The following LRRC4C variants were observed in gnomAD, a reference collection of about 807,000 sequenced individuals.
The protein encoded by LRRC4C is leucine-rich repeat-containing protein 4C.
A neutral mutation model predicts 33.6 loss-of-function variants in LRRC4C; 5 were observed. The observed-to-expected ratio is 0.15, with a 90% confidence interval of 0.08 to 0.31. The LOEUF (loss-of-function observed/expected upper bound fraction) is 0.31. LRRC4C is among the 10% of genes least tolerant of loss of function. LRRC4C has a pLI of 1.00. For missense variants in LRRC4C, 560 were observed against 796.7 expected (o/e 0.70, Z 3.58); for synonymous variants, 329 against 302.0 (o/e 1.09, Z -0.93).
At chr11:40,430,741 TACGTCA>T (rs1950889444) in intron 3 of LRRC4C, among the ~76,000 whole-genome samples, 1 of 152,098 alleles carries the variant, frequency 6.6e-6, no homozygotes, top group Non-Finnish European at 1.5e-5. Context: ...TATGTGATGT[TACGTCA>T]AATAAAGAGC....
At chr11:40,916,295 C>G (rs1033076950) in intron 2 of LRRC4C, among the ~76,000 whole-genome samples, 2 of 152,136 alleles carry the variant, frequency 1.3e-5, no homozygotes, top group African/African-American at 2.4e-5. Context: ...TTGGAACCAA[C>G]CCAAATATCC....
intron 3 of LRRC4C, among the ~76,000 whole-genome samples, chr11:40,530,322 A>G (rs1389383290): frequency 1.3e-5 from 2 of 152,134 alleles, no homozygotes; most frequent in Non-Finnish European, 2.9e-5. Context: ...TTATAATGTG[A>G]AAAAGTAAAC....
At chr11:40,439,241 A>G (rs1055523552) in intron 3 of LRRC4C, among the ~76,000 whole-genome samples, 1 of 149,498 alleles carries the variant, frequency 6.7e-6, no homozygotes, top group Non-Finnish European at 1.5e-5. Context: ...GGCCTGGCCT[A>G]TAAGTTGCTA....
intron 1 of LRRC4C, among the ~76,000 whole-genome samples, chr11:41,126,350 A>C (rs1003201389): frequency 1.3e-5 from 2 of 152,012 alleles, no homozygotes; most frequent in Non-Finnish European, 2.9e-5. Context: ...GTACCTAGTA[A>C]AACCTTTTTG....
intron 1 of LRRC4C, among the ~76,000 whole-genome samples, chr11:40,983,109 G>C (rs1234667027): frequency 6.6e-6 from 1 of 152,090 alleles, no homozygotes; most frequent in Non-Finnish European, 1.5e-5. Context: ...TGTCTTTGCT[G>C]TTGTGAATAG....
chr11:40,969,367 A>C (rs930414596), intron 1 of LRRC4C, among the ~76,000 whole-genome samples: 5 of 151,768 alleles, frequency 3.3e-5, no homozygotes, highest in African/African-American at 1.2e-4. Context: ...ATAACAAATA[A>C]TTTATAATAT....
At chr11:41,433,557 G>C (rs939499585) in intron 1 of LRRC4C, among the ~76,000 whole-genome samples, 2 of 152,086 alleles carry the variant, frequency 1.3e-5, no homozygotes, top group African/African-American at 2.4e-5. Flanking sequence ...CTGAATCTGG[G>C]TGGGCACCAT....
intron 1 of LRRC4C, among the ~76,000 whole-genome samples, chr11:41,193,586 G>A (rs2136223282): frequency 6.6e-6 from 1 of 152,160 alleles, no homozygotes; most frequent in African/African-American, 2.4e-5. Context: ...ATCCAATCAA[G>A]ACAATCATGA....
chr11:41,214,575 CAAAAAA>C (rs547167050), intron 1 of LRRC4C, among the ~76,000 whole-genome samples: 5 of 34,758 alleles, frequency 1.4e-4, no homozygotes, highest in African/African-American at 5.9e-4. Context: ...ACTAAAAATA[CAAAAAA>C]AAAAAAAAAA....
chr11:40,327,142 A>G (rs1470301943), intron 3 of LRRC4C, among the ~76,000 whole-genome samples: 1 of 152,184 alleles, frequency 6.6e-6, no homozygotes. Context: ...GTGCATTCTT[A>G]TCGCTAACTG....
intron 1 of LRRC4C, among the ~76,000 whole-genome samples, chr11:41,259,176 C>T (rs1156615510): frequency 6.6e-6 from 1 of 151,948 alleles, no homozygotes; most frequent in Admixed American, 6.6e-5. Flanking sequence ...TGAGTTCGAA[C>T]TTCTCAAGTA....
At chr11:40,923,097 T>A (rs1486388128) in intron 2 of LRRC4C, among the ~76,000 whole-genome samples, 2 of 152,192 alleles carry the variant, frequency 1.3e-5, no homozygotes. Context: ...AGTGCTGGGA[T>A]TACAGGTGTG....
chr11:40,385,193 T>C lies in LRRC4C; in HGVS notation c.-269-65472A>G, dbSNP rs1160320966. ...ACAGATGTGTGTTCTTGCTGTTTCA[T>C]GGTGATGTCTGAAATTTTCCTTCTA... On this transcript the variant is annotated intron_variant, in intron 3 of 6. Coordinates refer to ENST00000528697, the MANE Select transcript of LRRC4C (RefSeq NM_001258419.2). 2.6e-5 allele frequency among the ~76,000 whole-genome samples: 4 copies of C among 152,286 alleles called. No individual in the cohort carries two copies. In the South Asian group the frequency reaches 6.2e-4, roughly 24 times the overall value.
chr11:40,894,806 T>G (rs1448838934), intron 2 of LRRC4C, among the ~76,000 whole-genome samples: 5 of 152,164 alleles, frequency 3.3e-5, no homozygotes, highest in African/African-American at 1.2e-4. Context: ...ACCACTTTAA[T>G]TTCACCATGT....
chr11:40,249,854 A>G (rs754436984), intron 4 of LRRC4C, among the ~76,000 whole-genome samples: 3 of 152,218 alleles, frequency 2.0e-5, no homozygotes, highest in Non-Finnish European at 4.4e-5. Flanking sequence ...AGGCACAGAC[A>G]GTATGATACT....
In LRRC4C at chr11:40,949,488, G is replaced by A. The variant is rs1349895727; in HGVS notation, c.-495-15765C>T. Among the ~76,000 whole-genome samples the A allele has an allele frequency of 5.9e-5, 9 of 152,152 alleles. No individual in the cohort carries two copies. The East Asian group carries it at 1.5e-3, about 26-fold the overall frequency. ...AGAGAAAGGTCAGGTTACCCACAAAGGGAAGCCCATCAGACTAACAGCGGA... is the reference window on the plus strand; with the variant it reads ...AGAGAAAGGTCAGGTTACCCACAAAAGGAAGCCCATCAGACTAACAGCGGA... On this transcript the variant is annotated intron_variant, in intron 1 of 6. Coordinates refer to ENST00000528697, the MANE Select transcript of LRRC4C (RefSeq NM_001258419.2).
At chr11:40,415,657 C>A (rs968809543) in intron 3 of LRRC4C, among the ~76,000 whole-genome samples, 1 of 152,044 alleles carries the variant, frequency 6.6e-6, no homozygotes, top group African/African-American at 2.4e-5. Flanking sequence ...AACTGAGGAG[C>A]CTTGTCTTAT....
intron 2 of LRRC4C, among the ~76,000 whole-genome samples, chr11:40,792,258 A>G (rs553855525): frequency 4.5e-4 from 69 of 152,298 alleles, no homozygotes; most frequent in South Asian, 6.2e-4. Context: ...AGGAGTAAAA[A>G]AAAAATGAAC....
rs543026494 is a variant in LRRC4C at position 40,928,659 on chromosome 11, C to T, written c.-407+4976G>A. The stretch of plus-strand genomic sequence containing the variant: ...TGCATGTTTGCTTTGGCATTCCGTA[C>T]AAATGCTAAATTTAATTATTAAATT... On this transcript the variant is annotated intron_variant, in intron 2 of 6. Transcript: ENST00000528697. Among the ~76,000 whole-genome samples the T allele has an allele frequency of 2.5e-3, 376 of 152,112 alleles. 2 individuals are homozygous for T. Among genetic ancestry groups the T allele is most frequent in the African/African-American group, 8.7e-3 (361 of 41,498 alleles).
Sources: gnomAD v4.1 joint callset for allele counts (sites outside exome capture counted in the v4.1 genomes callset) on GRCh38, gnomAD v4.1.1 for gene constraint, MANE v1.5 for transcripts, NCBI Gene and HGNC (gene_info 2026-07-23, HGNC 2026-07-21) for gene names.